The following SLC24A2 variants were observed in gnomAD, a reference collection of about 807,000 sequenced individuals.
SLC24A2 encodes solute carrier family 24 member 2, also known as sodium/potassium/calcium exchanger 2.
SLC24A2 carries 36 observed loss-of-function variants against 62.0 expected under a neutral mutation model. The observed-to-expected ratio is 0.58, with a 90% CI of 0.44 to 0.77. The LOEUF is 0.77. Among genes scored for constraint, SLC24A2 ranks in the 30% least tolerant of loss-of-function variants. The pLI is 0.00. For synonymous variants in SLC24A2, 358 were observed against 294.0 expected (o/e 1.22, Z -2.23); for missense variants, 846 against 817.9 (o/e 1.03, Z -0.42).
At chr9:19,820,347 G>C in the SLC24A2 span, among the ~76,000 whole-genome samples, 1 of 150,378 alleles carries the variant, frequency 6.6e-6, no homozygotes, top group African/African-American at 2.4e-5. Flanking sequence ...TACTGCTCAG[G>C]TGATGGGTGC....
chr9:19,596,840 C>G (rs910294011), intron 5 of SLC24A2, among the ~76,000 whole-genome samples: 2 of 152,100 alleles, frequency 1.3e-5, no homozygotes, highest in African/African-American at 4.8e-5. Context: ...AATCAGAAAA[C>G]CACCAGAAAA....
In SLC24A2 at chr9:19,677,215, G is replaced by A. The variant is rs115458834; in HGVS notation, c.931-54916C>T. ...CTATGGTAGACTGGATAAAGAAAAT[G>A]TAGTACGTATACACAATGGAATACT... On this transcript the variant is annotated intron_variant, in intron 2 of 10. Coordinates refer to ENST00000341998, the MANE Select transcript of SLC24A2 (RefSeq NM_020344.4). Among the ~76,000 whole-genome samples the A allele has an allele frequency of 2.0e-3, 308 of 152,356 alleles. 2 individuals carry two copies. Among genetic ancestry groups the A allele is most frequent in the African/African-American group, 7.2e-3 (300 of 41,580 alleles).
chr9:20,306,078 A>G, the SLC24A2 span, among the ~76,000 whole-genome samples: 3 of 152,148 alleles, frequency 2.0e-5, no homozygotes, highest in Non-Finnish European at 2.9e-5. Context: ...ACACAGTCAC[A>G]TTATTCTGAG....
At chr9:19,836,128 A>C in the SLC24A2 span, among the ~76,000 whole-genome samples, 1 of 152,206 alleles carries the variant, frequency 6.6e-6, no homozygotes, top group Non-Finnish European at 1.5e-5. Flanking sequence ...AAAGCAGGAA[A>C]GATCTAAAAT....
the SLC24A2 span, among the ~76,000 whole-genome samples, chr9:20,017,315 G>A: frequency 0.013 from 2,051 of 152,168 alleles, 44 homozygotes; most frequent in African/African-American, 0.043. Context: ...GAGCCACCAC[G>A]CCTGGCCCCA....
chr9:19,995,932 A>T, the SLC24A2 span, among the ~76,000 whole-genome samples: 1 of 152,346 alleles, frequency 6.6e-6, no homozygotes, highest in East Asian at 1.9e-4. Context: ...CTTAGAGGCT[A>T]TCTGGGGAGA....
the SLC24A2 span, among the ~76,000 whole-genome samples, chr9:20,039,404 A>C: frequency 6.6e-6 from 1 of 151,904 alleles, no homozygotes; most frequent in Non-Finnish European, 1.5e-5. Flanking sequence ...GTTGGGAGGG[A>C]AACCCAGTCC....
the SLC24A2 span, among the ~76,000 whole-genome samples, chr9:20,025,701 A>T: frequency 6.6e-6 from 1 of 152,136 alleles, no homozygotes; most frequent in East Asian, 1.9e-4. Flanking sequence ...AATGACCTGG[A>T]ACGACCAAGT....
At position 19,704,604 on chromosome 9, in the gene SLC24A2, C is replaced by G. The variant is rs987991076; in HGVS notation, c.930+81333G>C. ...TTTTCAGAATTTTACTGAGTTCTTT[C>G]TGGAAAAATAAACAGGAACCAAGAG... is the stretch of plus-strand genomic sequence containing the variant. On this transcript the variant is annotated intron_variant, in intron 2 of 10. Coordinates refer to ENST00000341998, the MANE Select transcript of SLC24A2 (RefSeq NM_020344.4). 5.3e-5 allele frequency among the ~76,000 whole-genome samples: 8 copies of G among 152,040 alleles called. No individual in the cohort carries two copies. In the East Asian group the frequency reaches 1.4e-3, roughly 26 times the overall value.
rs1832885936 is a variant in SLC24A2, at chr9:19,515,434, C to T, written c.*719G>A. The T allele has an allele frequency of 2.0e-5, 3 of 152,208 alleles. No homozygotes were observed. The highest frequency in any genetic ancestry group is 4.8e-5 in the African/African-American group (2 of 41,408). 9.4% of individuals were successfully genotyped at this position (152,208 alleles called of 1,614,324 possible). The stretch of plus-strand genomic sequence containing the variant: ...TGGAAGGCTCAACTCAGGGCCCCTA[C>T]AGACCTTCTCCACTAAGCCCTCCTC... On this transcript the variant is annotated 3_prime_UTR_variant, in exon 11 of 11. Transcript: ENST00000341998.
intron 2 of SLC24A2, among the ~76,000 whole-genome samples, chr9:19,759,373 A>G (rs771255459): frequency 6.6e-6 from 1 of 152,220 alleles, no homozygotes; most frequent in Non-Finnish European, 1.5e-5. Flanking sequence ...AGATTGGACC[A>G]GATAAGATCA....
chr9:19,734,518 G>A (rs1343250415), intron 2 of SLC24A2, among the ~76,000 whole-genome samples: 1 of 152,164 alleles, frequency 6.6e-6, no homozygotes, highest in Admixed American at 6.6e-5. Context: ...CTATCCATGA[G>A]CATGGAATGT....
the SLC24A2 span, among the ~76,000 whole-genome samples, chr9:20,203,310 G>A: frequency 2.9e-4 from 44 of 152,186 alleles, 1 homozygote; most frequent in African/African-American, 1.0e-3. Flanking sequence ...TGTGGTGGTG[G>A]CAATTAAACT....
rs977830387 is a variant in SLC24A2 at position 19,550,355 on chromosome 9, G to A, written c.1348-87C>T. On this transcript the variant is annotated intron_variant, in intron 7 of 10. Transcript: ENST00000341998. ...AACAGGAGCACAGAACAAAGGGGAAGCTCCATGTCTTATCAGTTTTCTGGA... is the reference window on the plus strand; with the variant it reads ...AACAGGAGCACAGAACAAAGGGGAAACTCCATGTCTTATCAGTTTTCTGGA... 5 of 1,379,432 alleles carry A rather than the reference G, an allele frequency of 3.6e-6. No individual in the cohort carries two copies. The Admixed American group carries it at 5.2e-5, about 14-fold the overall frequency. The allele number at this position is 1,379,432 out of a possible 1,614,324, so 85.4% of individuals were successfully genotyped here.
chr9:19,658,418 G>C (rs1004985202), intron 2 of SLC24A2, among the ~76,000 whole-genome samples: 3 of 152,172 alleles, frequency 2.0e-5, no homozygotes, highest in South Asian at 2.1e-4. Context: ...ATAAGGTAGT[G>C]GTGGGGAAGC....
chr9:20,177,529 A>G, the SLC24A2 span, among the ~76,000 whole-genome samples: 2 of 152,112 alleles, frequency 1.3e-5, no homozygotes, highest in African/African-American at 4.8e-5. Context: ...TGACCCCGTT[A>G]GATGATCTGA....
the SLC24A2 span, among the ~76,000 whole-genome samples, chr9:20,209,645 C>T: frequency 6.6e-5 from 10 of 152,178 alleles, no homozygotes; most frequent in Admixed American, 2.6e-4. Flanking sequence ...CATCCAGCAA[C>T]GCCTTGAAAC....
At chr9:19,671,561 G>T (rs1488923345) in intron 2 of SLC24A2, among the ~76,000 whole-genome samples, 1 of 152,028 alleles carries the variant, frequency 6.6e-6, no homozygotes, top group Non-Finnish European at 1.5e-5. Flanking sequence ...TCTCTTATCT[G>T]ATTGCTCTGG....
At chr9:20,236,359 A>G in the SLC24A2 span, among the ~76,000 whole-genome samples, 2 of 152,204 alleles carry the variant, frequency 1.3e-5, no homozygotes, top group East Asian at 1.9e-4. Context: ...TCTAAAATAA[A>G]TGTCTTTCAT....
Sources: allele counts gnomAD v4.1 joint callset (sites outside exome capture counted in the v4.1 genomes callset), GRCh38; gene constraint gnomAD v4.1.1; transcripts MANE v1.5; gene names NCBI Gene and HGNC (gene_info 2026-07-23, HGNC 2026-07-21).